The following PRKCB variants were observed in gnomAD, a reference collection of about 807,000 sequenced individuals.
PRKCB encodes the protein protein kinase C beta.
Under a neutral mutation model 81.5 loss-of-function variants are expected in PRKCB, and 13 were observed. The observed-to-expected ratio is 0.16, with a 90% confidence interval of 0.10 to 0.25. PRKCB has a LOEUF of 0.25. Among genes scored for constraint, PRKCB ranks in the 10% least tolerant of loss-of-function variants. The probability of loss-of-function intolerance (pLI) is 1.00; values close to 1 mark genes in which losing one functional copy is unlikely to be tolerated. For synonymous variants in PRKCB, 335 were observed against 321.4 expected, an observed-to-expected ratio of 1.04 and a Z score of -0.45; for missense variants, 509 against 875.7, an observed-to-expected ratio of 0.58 and a Z score of 5.29.
chr16:23,851,282 T>C (rs1056674695), intron 2 of PRKCB, among the ~76,000 whole-genome samples: 8 of 152,236 alleles, frequency 5.3e-5, no homozygotes, highest in African/African-American at 1.4e-4. Flanking sequence ...AAAGGTCTAA[T>C]TGCATTCTTC....
chr16:23,838,827 C>G (rs1173113103), intron 2 of PRKCB, among the ~76,000 whole-genome samples: 1 of 152,194 alleles, frequency 6.6e-6, no homozygotes, highest in African/African-American at 2.4e-5. Context: ...ACCTACCCAG[C>G]CTGTCTTACC....
chr16:23,977,178 G>C (rs1478429270), intron 2 of PRKCB, among the ~76,000 whole-genome samples: 1 of 152,160 alleles, frequency 6.6e-6, no homozygotes, highest in African/African-American at 2.4e-5. Context: ...GGGCAAATTA[G>C]AGGAAGGACC....
intron 3 of PRKCB, among the ~76,000 whole-genome samples, chr16:24,008,970 T>A (rs1214723839): frequency 6.6e-6 from 1 of 152,210 alleles, no homozygotes; most frequent in Non-Finnish European, 1.5e-5. Context: ...CTGTGACTAG[T>A]GTTTTTCATT....
At chr16:23,987,095 G>C (rs1964812574) in intron 2 of PRKCB, among the ~76,000 whole-genome samples, 1 of 151,890 alleles carries the variant, frequency 6.6e-6, no homozygotes, top group African/African-American at 2.4e-5. Flanking sequence ...TTAAACTGTT[G>C]GTTTTTTTCC....
chr16:24,129,497 T>C (rs555785618), intron 9 of PRKCB, among the ~76,000 whole-genome samples: 2 of 151,242 alleles, frequency 1.3e-5, no homozygotes, highest in South Asian at 4.2e-4. Context: ...CCTCTCTCTT[T>C]CTGTCCCTCT....
chr16:24,010,687 A>G (rs891307237), intron 3 of PRKCB, among the ~76,000 whole-genome samples: 2 of 152,126 alleles, frequency 1.3e-5, no homozygotes, highest in African/African-American at 2.4e-5. Flanking sequence ...CTTCGTGTCC[A>G]GTGAGATCTG....
intron 8 of PRKCB, among the ~76,000 whole-genome samples, chr16:24,123,234 C>A (rs921500647): frequency 6.6e-6 from 1 of 152,108 alleles, no homozygotes; most frequent in East Asian, 1.9e-4. Context: ...AGAGAATAGC[C>A]ATTTGTACCA....
At chr16:24,060,846 A>G (rs60634216) in intron 5 of PRKCB, among the ~76,000 whole-genome samples, 8,739 of 152,182 alleles carry the variant, frequency 0.057, 857 homozygotes, top group African/African-American at 0.2. Context: ...TGCTTCCCCC[A>G]TTCCTTGCAG....
chr16:24,180,142 A>G (rs1967596413), intron 12 of PRKCB, among the ~76,000 whole-genome samples: 1 of 151,808 alleles, frequency 6.6e-6, no homozygotes, highest in Non-Finnish European at 1.5e-5. Flanking sequence ...ACGGGGTTTC[A>G]CCATATTGGC....
intron 3 of PRKCB, among the ~76,000 whole-genome samples, chr16:24,010,787 A>C (rs1208252696): frequency 6.6e-6 from 1 of 152,172 alleles, no homozygotes; most frequent in South Asian, 2.1e-4. Flanking sequence ...TGCTGCTGCC[A>C]GTGACTTCAT....
At chr16:24,126,011 T>C (rs1416596222) in intron 9 of PRKCB, among the ~76,000 whole-genome samples, 1 of 152,156 alleles carries the variant, frequency 6.6e-6, no homozygotes, top group Non-Finnish European at 1.5e-5. Flanking sequence ...GAACTAAGCG[T>C]GGGATTAGTA....
chr16:23,930,567 TA>T (rs35610012), intron 2 of PRKCB, among the ~76,000 whole-genome samples: 138,899 of 151,726 alleles, frequency 0.92, 63,885 homozygotes, highest in East Asian at 1. Flanking sequence ...AGAACCTGTC[TA>T]AAAAAAAATA....
rs74013124 is a variant in PRKCB, at chr16:24,088,123, G to A, written c.530-4668G>A. Reference sequence around the variant, plus strand: ...AGATTTGCTTCCGCGATACATATGCGGCTCTCTTGCTGCTGGGAAACACGA... The same window carrying A: ...AGATTTGCTTCCGCGATACATATGCAGCTCTCTTGCTGCTGGGAAACACGA... On this transcript the variant is annotated intron_variant, in intron 5 of 16. Coordinates refer to ENST00000643927, the MANE Select transcript of PRKCB (RefSeq NM_002738.7). 7.8e-3 allele frequency among the ~76,000 whole-genome samples: 1,188 copies of A among 152,268 alleles called. 19 individuals are homozygous for A. Among genetic ancestry groups the A allele is most frequent in the African/African-American group, 0.026 (1,082 of 41,536 alleles).
chr16:24,013,564 A>G (rs74015231), intron 3 of PRKCB, among the ~76,000 whole-genome samples: 2,470 of 152,294 alleles, frequency 0.016, 60 homozygotes, highest in African/African-American at 0.057. Flanking sequence ...TGCCTGGCAC[A>G]TGGTGAGTGC....
At chr16:23,959,547 GC>G (rs1183130729) in intron 2 of PRKCB, among the ~76,000 whole-genome samples, 1 of 152,228 alleles carries the variant, frequency 6.6e-6, no homozygotes, top group Non-Finnish European at 1.5e-5. Context: ...TCGCAGGAAA[GC>G]CTTCTTGCTA....
At chr16:24,089,292 G>A (rs1966346076) in intron 5 of PRKCB, among the ~76,000 whole-genome samples, 1 of 152,152 alleles carries the variant, frequency 6.6e-6, no homozygotes, top group African/African-American at 2.4e-5. Context: ...ATCTATCTGT[G>A]GGGGTGGGTG....
At chr16:24,040,771 T>C (rs984465951) in intron 5 of PRKCB, among the ~76,000 whole-genome samples, 9 of 152,250 alleles carry the variant, frequency 5.9e-5, no homozygotes, top group Non-Finnish European at 1.3e-4. Flanking sequence ...TATACCATTA[T>C]TCTCATGGGA....
At chr16:24,030,104 C>T (rs1965532776) in intron 3 of PRKCB, among the ~76,000 whole-genome samples, 1 of 152,098 alleles carries the variant, frequency 6.6e-6, no homozygotes, top group African/African-American at 2.4e-5. Flanking sequence ...CACTATGTTG[C>T]CCAGGCTGGT....
At chr16:23,957,474 C>A (rs1420956477) in intron 2 of PRKCB, among the ~76,000 whole-genome samples, 1 of 152,144 alleles carries the variant, frequency 6.6e-6, no homozygotes, top group East Asian at 1.9e-4. Context: ...CCAGGTGTCC[C>A]AGGAGAGAGA....
Sources: gnomAD v4.1 joint callset for allele counts (sites outside exome capture counted in the v4.1 genomes callset) on GRCh38, gnomAD v4.1.1 for gene constraint, MANE v1.5 for transcripts, NCBI Gene and HGNC (gene_info 2026-07-23, HGNC 2026-07-21) for gene names.